KNG1: variants seen among roughly 807,000 people sequenced by gnomAD.
KNG1 encodes kininogen 1, also known as kininogen-1.
KNG1 carries 23 observed loss-of-function variants against 47.8 expected under a neutral mutation model. The observed-to-expected ratio is 0.48, with a 90% confidence interval of 0.35 to 0.68. KNG1 has a LOEUF of 0.68. KNG1 is among the 30% of genes least tolerant of loss of function. The pLI is 0.01. For synonymous variants in KNG1, 277 were observed against 277.0 expected, an observed-to-expected ratio of 1.00 and a Z score of 0.00; for missense variants, 762 against 790.2, an observed-to-expected ratio of 0.96 and a Z score of 0.43.
rs5029998 is a variant in KNG1 at position 186,722,309 on chromosome 3, C to T, written c.307-128C>T. ...AAATTTATTCTCATGTCTCAAAACTCTTTTGGTAAAATCTTCACAAGTTTT... is the reference window on the plus strand; with the variant it reads ...AAATTTATTCTCATGTCTCAAAACTTTTTTGGTAAAATCTTCACAAGTTTT... On this transcript the variant is annotated intron_variant, in intron 2 of 9. Coordinates refer to ENST00000644859, the MANE Select transcript of KNG1 (RefSeq NM_001102416.3). 8.3e-3 allele frequency: 6,186 copies of T among 749,742 alleles called. 248 individuals carry two copies. The African/African-American group carries it at 0.096, about 12-fold the overall frequency. The allele number at this position is 749,742 out of a possible 1,614,324, so 46.4% of individuals were successfully genotyped here.
chr3:186,741,394 C>T (rs5030083), intron 9 of KNG1, 128 bp from the exon 10 acceptor site: 23,765 of 750,166 alleles, frequency 0.032, 444 homozygotes, highest in African/African-American at 0.063. Flanking sequence ...GTTAATATAG[C>T]ATTTAAAATC....
intron 2 of KNG1, among the ~76,000 whole-genome samples, chr3:186,720,979 C>T (rs1720179151): frequency 6.6e-6 from 1 of 151,828 alleles, no homozygotes; most frequent in African/African-American, 2.4e-5. Context: ...TTAGTAGAGA[C>T]CGGGTTTCAC....
At chr3:186,722,162 A>G (rs979828479) in intron 2 of KNG1, 2 of 287,564 alleles carry the variant, frequency 7.0e-6, no homozygotes, top group Non-Finnish European at 1.3e-5. Flanking sequence ...AAGAAAAAAG[A>G]AATACCCTCC....
chr3:186,743,073 G>T lies in KNG1; in HGVS notation c.*742G>T. ...TTCTGAGTGAGAGTGTTTCTCATAA[G>T]TCAAAAATTTCTGTTTACTCATTAA... On this transcript the variant is annotated 3_prime_UTR_variant, in exon 10 of 10. Coordinates refer to ENST00000644859, the MANE Select transcript of KNG1 (RefSeq NM_001102416.3). The T allele has an allele frequency of 2.0e-6, 1 of 493,268 alleles. No homozygotes were observed. The highest frequency in any genetic ancestry group is 2.6e-6 in the Non-Finnish European group (1 of 380,540). 30.6% of individuals were successfully genotyped at this position (493,268 alleles called of 1,614,324 possible).
chr3:186,728,671 GAA>G (rs1173695133), intron 5 of KNG1: 7 of 152,142 alleles, frequency 4.6e-5, no homozygotes, highest in Non-Finnish European at 5.9e-5. Flanking sequence ...TCTTTTTTGA[GAA>G]GAGGTCTTGC....
At chr3:186,737,856 G>T (rs189987075) in intron 7 of KNG1, among the ~76,000 whole-genome samples, 1 of 151,018 alleles carries the variant, frequency 6.6e-6, no homozygotes, top group African/African-American at 2.4e-5. Context: ...CACTATTCCC[G>T]GCCAACACAT....
chr3:186,727,020 A>T (rs73063427), intron 4 of KNG1, among the ~76,000 whole-genome samples: 1 of 104,612 alleles, frequency 9.6e-6, no homozygotes, highest in Non-Finnish European at 2.3e-5. Flanking sequence ...CTAGCGGTGT[A>T]TGTGTGTGTG....
At chr3:186,721,151 C>A (rs971202683) in intron 2 of KNG1, 1 of 152,202 alleles carries the variant, frequency 6.6e-6, no homozygotes, top group African/African-American at 2.4e-5. Context: ...GCAAGCCTCT[C>A]TTTTCATGGA....
intron 7 of KNG1, among the ~76,000 whole-genome samples, chr3:186,735,005 T>C (rs1720632683): frequency 6.6e-6 from 1 of 152,192 alleles, no homozygotes; most frequent in African/African-American, 2.4e-5. Context: ...CTCTGCTACT[T>C]GAGCACTTGT....
At chr3:186,733,472 G>A (rs536355615) in intron 7 of KNG1, among the ~76,000 whole-genome samples, 2 of 151,870 alleles carry the variant, frequency 1.3e-5, no homozygotes, top group Non-Finnish European at 2.9e-5. Context: ...CTGGGATCCC[G>A]CTCTCCTGCA....
At chr3:186,737,119 T>A (rs1579128091) in intron 7 of KNG1, among the ~76,000 whole-genome samples, 1 of 152,236 alleles carries the variant, frequency 6.6e-6, no homozygotes, top group Non-Finnish European at 1.5e-5. Flanking sequence ...CTGAGGCTGC[T>A]TGATTCCTAT....
At position 186,741,953 on chromosome 3, in the gene KNG1, G is replaced by A. The variant is rs541207653; in HGVS notation, c.1557G>A (p.Trp519Ter). 2 of 1,614,226 alleles carry A rather than the reference G, an allele frequency of 1.2e-6. 1 individual carries two copies. Among genetic ancestry groups the A allele is most frequent in the South Asian group, 2.2e-5 (2 of 91,086 alleles). Residue 519 changes from tryptophan (W) to a stop codon, truncating the protein, a stop_gained, in exon 10 of 10, where the codon TGG (tryptophan) becomes TGA (stop). Transcript: ENST00000644859. LOFTEE classifies it low-confidence loss of function (END_TRUNC). ...AAAAGAATGGAAAGCACAATGGTTG[G>A]AAAACAGAGCATTTGGCAAGCTCTT... ...KGKKNGKHNG[W>*]KTEHLASSSE... is the part of the protein sequence containing the mutation.
intron 7 of KNG1, among the ~76,000 whole-genome samples, chr3:186,735,180 T>C (rs563282646): frequency 1.3e-5 from 2 of 152,278 alleles, no homozygotes; most frequent in South Asian, 4.1e-4. Context: ...TCTTTTTTCG[T>C]TGTTGTTTTT....
Position 186,743,622 on chromosome 3 carries a change from C to A in KNG1, c.*1291C>A. On this transcript the variant is annotated 3_prime_UTR_variant, in exon 10 of 10. Transcript: ENST00000644859. Reference sequence around the variant, plus strand: ...ACAACCACAGATGTCAGGAAAAAGTCTTACCTTGTCAACTGGTTGCTCCAC... The same window carrying A: ...ACAACCACAGATGTCAGGAAAAAGTATTACCTTGTCAACTGGTTGCTCCAC... 1 of 992,696 alleles carries A rather than the reference C, an allele frequency of 1.0e-6. No individual in the cohort carries two copies. The highest frequency in any genetic ancestry group is 1.6e-6 in the Non-Finnish European group (1 of 627,716). 61.5% of individuals were successfully genotyped at this position (992,696 alleles called of 1,614,324 possible). A position where few individuals can be genotyped will look rare whatever the true frequency, so the allele number is the denominator to read the frequency against.
intron 9 of KNG1, among the ~76,000 whole-genome samples, chr3:186,740,582 T>C (rs754069890): frequency 6.6e-6 from 1 of 152,216 alleles, no homozygotes; most frequent in Non-Finnish European, 1.5e-5. Context: ...GTAGAATTAA[T>C]CCACAGATCG....
chr3:186,717,583 T>C lies in KNG1; in HGVS notation c.41T>C (p.Leu14Pro), dbSNP rs1720018202. ...ITILFLCSRL[L>P]LSLTQESQSE... ...ATCCTTTTCCTCTGCTCCAGGCTGC[T>C]ACTAAGTTTAACCCAGGAATCACAG... The change falls in exon 1 of 10, where the codon CTA (leucine) becomes CCA (proline). Residue 14 changes from leucine to proline, a missense_variant. Leu to Pro is a moderately conservative substitution (Grantham distance 98). Transcript: ENST00000644859. The C allele has an allele frequency of 6.2e-7, 1 of 1,612,486 alleles. No individual in the cohort carries two copies. The highest frequency in any genetic ancestry group is 8.5e-7 in the Non-Finnish European group (1 of 1,179,210).
chr3:186,717,581 G>A lies in KNG1; in HGVS notation c.39G>A (p.Leu13=), dbSNP rs1050274. Residue 13 remains leucine, a synonymous_variant, in exon 1 of 10, where the codon CTG becomes CTA. Transcript: ENST00000644859. Reference sequence around the variant, plus strand: ...CCATCCTTTTCCTCTGCTCCAGGCTGCTACTAAGTTTAACCCAGGAATCAC... The same window carrying A: ...CCATCCTTTTCCTCTGCTCCAGGCTACTACTAAGTTTAACCCAGGAATCAC... ...LITILFLCSR[L]LLSLTQESQS... 531,161 of 1,608,674 alleles carry A rather than the reference G, an allele frequency of 0.33. 90,462 individuals are homozygous for A. Among genetic ancestry groups the A allele is most frequent in the African/African-American group, 0.46 (34,233 of 74,728 alleles).
chr3:186,733,038 G>C (rs1720578817), intron 7 of KNG1, among the ~76,000 whole-genome samples: 2 of 152,106 alleles, frequency 1.3e-5, no homozygotes, highest in African/African-American at 4.8e-5. Context: ...ACAAGGTCAA[G>C]AGATCAAGAC....
rs779377998 is a variant in KNG1, at chr3:186,741,880, A to T, written c.1484A>T (p.His495Leu). ...HQGGHVLDHGHKHKHGHGHGK... is the reference protein window; with the variant it reads ...HQGGHVLDHGLKHKHGHGHGK... Reference sequence around the variant, plus strand: ...GGGGGCCATGTCCTTGACCATGGACATAAGCATAAGCATGGTCATGGCCAC... The same window carrying T: ...GGGGGCCATGTCCTTGACCATGGACTTAAGCATAAGCATGGTCATGGCCAC... The change falls in exon 10 of 10, where the codon CAT becomes CTT. Residue 495 changes from histidine (H) to leucine (L), a missense_variant. Coordinates refer to ENST00000644859, the MANE Select transcript of KNG1 (RefSeq NM_001102416.3). The T allele has an allele frequency of 9.3e-6, 15 of 1,614,032 alleles. No homozygotes were observed. The highest frequency in any genetic ancestry group is 3.3e-4 in the Middle Eastern group (2 of 6,062).
Sources: allele counts gnomAD v4.1 joint callset (sites outside exome capture counted in the v4.1 genomes callset), GRCh38; gene constraint gnomAD v4.1.1; transcripts MANE v1.5; gene names NCBI Gene and HGNC (gene_info 2026-07-23, HGNC 2026-07-21).